PREX2: variants seen among roughly 807,000 people sequenced by gnomAD.
PREX2 encodes the protein phosphatidylinositol 3,4,5-trisphosphate-dependent Rac exchanger 2 protein.
Under a neutral mutation model 203.2 loss-of-function variants are expected in PREX2, and 107 were observed. The observed-to-expected ratio is 0.53, with a 90% CI of 0.45 to 0.62. The LOEUF is 0.62. Ranked by LOEUF, PREX2 falls within the 20% of genes least tolerant of loss-of-function variation. The probability of loss-of-function intolerance (pLI) is 0.00; values close to 1 mark genes in which losing one functional copy is unlikely to be tolerated. For synonymous variants in PREX2, 672 were observed against 663.6 expected (o/e 1.01, Z -0.19); for missense variants, 1,777 against 1,955.9 (o/e 0.91, Z 1.72).
chr8:67,952,436 C>G lies in PREX2; in HGVS notation c.42C>G (p.Ala14=), dbSNP rs986813423. The G allele has an allele frequency of 5.7e-6, 9 of 1,587,874 alleles. No homozygotes were observed. Among genetic ancestry groups the G allele is most frequent in the Middle Eastern group, 3.4e-4 (2 of 5,928 alleles). Reference sequence around the variant, plus strand: ...GCGGAGACAGCCGCGCCGAGAGCGCCAAGGACCTGGAGAAGCAGCTTCGCC... The same window carrying G: ...GCGGAGACAGCCGCGCCGAGAGCGCGAAGGACCTGGAGAAGCAGCTTCGCC... ...DSRGDSRAES[A]KDLEKQLRLR... Residue 14 remains alanine, a synonymous_variant, in exon 1 of 40, where the codon GCC becomes GCG. Coordinates refer to ENST00000288368, the MANE Select transcript of PREX2 (RefSeq NM_024870.4).
intron 1 of PREX2, among the ~76,000 whole-genome samples, chr8:67,963,395 CA>C (rs897454578): frequency 6.6e-6 from 1 of 152,052 alleles, no homozygotes; most frequent in Non-Finnish European, 1.5e-5. Context: ...TATGTCCTGT[CA>C]AAAATGGGCC....
intron 1 of PREX2, among the ~76,000 whole-genome samples, chr8:67,984,745 A>G (rs1413711237): frequency 1.3e-5 from 2 of 152,120 alleles, no homozygotes; most frequent in Admixed American, 1.3e-4. Context: ...ACAGCTGAGG[A>G]CTCTCGAATG....
intron 21 of PREX2, chr8:68,095,129 G>C (rs1434011637): frequency 6.6e-6 from 1 of 152,186 alleles, no homozygotes; most frequent in African/African-American, 2.4e-5. Flanking sequence ...CTCCAGACAC[G>C]TGGGTGTGTT....
At chr8:68,102,651 C>CT (rs1563546620) in intron 23 of PREX2, among the ~76,000 whole-genome samples, 1 of 152,178 alleles carries the variant, frequency 6.6e-6, no homozygotes, top group Non-Finnish European at 1.5e-5. Flanking sequence ...TAACACTCTT[C>CT]TTTTTGTGAA....
rs140546418 is a variant in PREX2 at position 67,992,672 on chromosome 8, G to A, written c.142-25174G>A. 2.4e-3 allele frequency among the ~76,000 whole-genome samples: 364 copies of A among 152,248 alleles called. 3 individuals are homozygous for A. The highest frequency in any genetic ancestry group is 8.4e-3 in the African/African-American group (351 of 41,544). On this transcript the variant is annotated intron_variant, in intron 1 of 39. Coordinates refer to ENST00000288368, the MANE Select transcript of PREX2 (RefSeq NM_024870.4). ...GTTGCGAGAAACATCATTGTCAATG[G>A]CACTATGACTGTAGGATCTGAATAT...
intron 35 of PREX2, among the ~76,000 whole-genome samples, chr8:68,190,229 G>A (rs1448850205): frequency 6.6e-6 from 1 of 152,056 alleles, no homozygotes. Context: ...TATCTAATAT[G>A]ACAACTCACT....
chr8:68,194,764 G>A (rs1397495729), intron 37 of PREX2, among the ~76,000 whole-genome samples: 1 of 151,040 alleles, frequency 6.6e-6, no homozygotes, highest in African/African-American at 2.4e-5. Flanking sequence ...TCATGTCACT[G>A]CACTCCAGCC....
At chr8:68,040,928 A>G (rs1808177710) in intron 7 of PREX2, among the ~76,000 whole-genome samples, 2 of 152,180 alleles carry the variant, frequency 1.3e-5, no homozygotes, top group Non-Finnish European at 2.9e-5. Flanking sequence ...ACATAATACT[A>G]TTTGTTTTAA....
chr8:68,092,487 G>A (rs939565078), intron 20 of PREX2, among the ~76,000 whole-genome samples: 1 of 152,060 alleles, frequency 6.6e-6, no homozygotes, highest in Non-Finnish European at 1.5e-5. Context: ...AACCCTTAAA[G>A]TAATGCAACC....
chr8:68,118,341 C>T (rs1203848654), intron 26 of PREX2, among the ~76,000 whole-genome samples: 1 of 144,462 alleles, frequency 6.9e-6, no homozygotes, highest in Non-Finnish European at 1.5e-5. Flanking sequence ...GGAGACAGAG[C>T]GAAACTCCGT....
At chr8:68,104,848 T>G (rs905718939) in intron 23 of PREX2, among the ~76,000 whole-genome samples, 1 of 152,164 alleles carries the variant, frequency 6.6e-6, no homozygotes, top group Non-Finnish European at 1.5e-5. Context: ...AGTTTGGGCT[T>G]GTGGTATCCA....
intron 1 of PREX2, among the ~76,000 whole-genome samples, chr8:67,993,019 C>G (rs998936364): frequency 8.5e-5 from 13 of 152,236 alleles, no homozygotes; most frequent in Non-Finnish European, 1.3e-4. Context: ...ATAACTTGAA[C>G]CACTTGAAAC....
At chr8:68,123,201 TA>T (rs1381236426) in intron 30 of PREX2, among the ~76,000 whole-genome samples, 2 of 151,978 alleles carry the variant, frequency 1.3e-5, no homozygotes, top group East Asian at 3.9e-4. Context: ...AGAGCAAAGG[TA>T]AAGCATACCA....
intron 30 of PREX2, among the ~76,000 whole-genome samples, chr8:68,122,599 A>G (rs940414585): frequency 2.0e-5 from 3 of 152,016 alleles, no homozygotes; most frequent in Non-Finnish European, 2.9e-5. Flanking sequence ...TTGAGATTTT[A>G]TATTTGTTTT....
intron 1 of PREX2, among the ~76,000 whole-genome samples, chr8:67,954,762 CTTTA>C (rs1215047364): frequency 1.3e-5 from 2 of 152,098 alleles, no homozygotes; most frequent in Non-Finnish European, 2.9e-5. Context: ...GATGACTAAT[CTTTA>C]TTAGGAAGAG....
chr8:68,046,758 A>C (rs879537809), intron 8 of PREX2, among the ~76,000 whole-genome samples: 1 of 152,060 alleles, frequency 6.6e-6, no homozygotes, highest in African/African-American at 2.4e-5. Flanking sequence ...GTATATAAGC[A>C]GCATGTAGCA....
chr8:68,050,733 A>G (rs1276233514), intron 8 of PREX2, among the ~76,000 whole-genome samples: 1 of 152,184 alleles, frequency 6.6e-6, no homozygotes, highest in Non-Finnish European at 1.5e-5. Context: ...AGAGATTTGT[A>G]TGCACAGGCT....
intron 35 of PREX2, among the ~76,000 whole-genome samples, chr8:68,169,725 G>T (rs1811837369): frequency 6.6e-6 from 1 of 152,130 alleles, no homozygotes; most frequent in Non-Finnish European, 1.5e-5. Flanking sequence ...TAGGCCATCT[G>T]AGTCAATGGA....
intron 35 of PREX2, among the ~76,000 whole-genome samples, chr8:68,158,648 T>C (rs1251271127): frequency 1.3e-5 from 2 of 152,110 alleles, no homozygotes; most frequent in Admixed American, 6.6e-5. Flanking sequence ...TACAGCTACT[T>C]ATGGTGATAG....
Sources: allele counts gnomAD v4.1 joint callset (sites outside exome capture counted in the v4.1 genomes callset), GRCh38; gene constraint gnomAD v4.1.1; transcripts MANE v1.5; gene names NCBI Gene and HGNC (gene_info 2026-07-23, HGNC 2026-07-21).